Variants in AGAP1 observed in about 807,000 individuals in gnomAD.
The protein encoded by AGAP1 is ArfGAP with GTPase domain, ankyrin repeat and PH domain 1, also known as arf-GAP with GTPase, ANK repeat and PH domain-containing protein 1.
AGAP1 carries 29 observed loss-of-function variants against 105.3 expected under a neutral mutation model. The observed-to-expected ratio is 0.28, with a 90% CI of 0.21 to 0.38. AGAP1 has a LOEUF of 0.38. Among genes scored for constraint, AGAP1 ranks in the 10% least tolerant of loss-of-function variants. The pLI, the probability that AGAP1 is intolerant of heterozygous loss-of-function variation, is 1.00. For missense variants in AGAP1, 998 were observed against 1,165.1 expected, an observed-to-expected ratio of 0.86 and a Z score of 2.09; for synonymous variants, 509 against 485.9, an observed-to-expected ratio of 1.05 and a Z score of -0.63.
At chr2:236,063,290 A>T (rs2058257168) in intron 16 of AGAP1, among the ~76,000 whole-genome samples, 1 of 152,024 alleles carries the variant, frequency 6.6e-6, no homozygotes. Flanking sequence ...GGGTTTCACC[A>T]TGTTGGCCAA....
At position 235,566,311 on chromosome 2, in the gene AGAP1, G is replaced by A. The variant is rs1175045517; in HGVS notation, c.163+71462G>A. ...TCTCCATGTTTGTCAGGCTGGTCTC[G>A]AACTGCCTTGGCCTCCTAAAGTGTT... On this transcript the variant is annotated intron_variant, in intron 1 of 17. Transcript: ENST00000304032. This position sits in a 1 kb window ranked among gnomAD's most constrained non-coding sequence, Gnocchi z 5.2. Among the ~76,000 whole-genome samples the A allele has an allele frequency of 2.6e-5, 4 of 152,076 alleles. No homozygotes were observed. The highest frequency in any genetic ancestry group is 9.7e-5 in the African/African-American group (4 of 41,396).
chr2:235,635,544 T>C lies in AGAP1; in HGVS notation c.164-73635T>C, dbSNP rs1559304117. ...TGATTTGGAAACCATGGGGTAAGTC[T>C]CTGAGGAACAAGAAGACAGAAGAAA... On this transcript the variant is annotated intron_variant, in intron 1 of 17. Coordinates refer to ENST00000304032, the MANE Select transcript of AGAP1 (RefSeq NM_001037131.3). This position sits in a 1 kb window ranked among gnomAD's most constrained non-coding sequence, Gnocchi z 5.3. Among the ~76,000 whole-genome samples the C allele has an allele frequency of 4.6e-5, 7 of 152,208 alleles. No homozygotes were observed. The highest frequency in any genetic ancestry group is 7.2e-5 in the African/African-American group (3 of 41,530).
intron 8 of AGAP1, among the ~76,000 whole-genome samples, chr2:235,804,122 T>C (rs1559507906): frequency 6.6e-6 from 1 of 152,222 alleles, no homozygotes; most frequent in African/African-American, 2.4e-5. Flanking sequence ...GCTCCTTCCA[T>C]GTGCCTCCAG....
At chr2:236,060,277 G>A (rs2058155597) in intron 16 of AGAP1, among the ~76,000 whole-genome samples, 2 of 152,192 alleles carry the variant, frequency 1.3e-5, no homozygotes, top group Non-Finnish European at 2.9e-5. Context: ...TTGAATATTA[G>A]CCAAATTAAA....
At chr2:236,017,375 G>A (rs1294573109) in intron 13 of AGAP1, among the ~76,000 whole-genome samples, 1 of 151,778 alleles carries the variant, frequency 6.6e-6, no homozygotes, top group Non-Finnish European at 1.5e-5. Flanking sequence ...ACAGCCTTTT[G>A]ATGTATGAAG....
rs1385772463 is a variant in AGAP1, at chr2:236,046,044, GCAC to G, written c.1892-3011_1892-3009del. On this transcript the variant is annotated intron_variant, in intron 15 of 17. Transcript: ENST00000304032. The surrounding 1 kb of genome is among the most constrained non-coding windows in gnomAD (Gnocchi z 5.2). ...CTGCTGGGGGGAGGTAGGAGGGGGTGCACCACGGTCTGAACGAGGGGCCAGCAT... is the reference window on the plus strand; with the variant it reads ...CTGCTGGGGGGAGGTAGGAGGGGGTGCACGGTCTGAACGAGGGGCCAGCAT... 8.5e-6 allele frequency: 4 copies of G among 471,082 alleles called. No homozygotes were observed. The highest frequency in any genetic ancestry group is 3.2e-4 in the Middle Eastern group (1 of 3,102). 29.2% of individuals were successfully genotyped at this position (471,082 alleles called of 1,614,324 possible). A position where few individuals can be genotyped will look rare whatever the true frequency, so the allele number is the denominator to read the frequency against.
chr2:235,941,854 G>GC (rs1553685078), intron 12 of AGAP1, among the ~76,000 whole-genome samples: 9 of 139,994 alleles, frequency 6.4e-5, no homozygotes, highest in East Asian at 5.8e-4. Context: ...GTTGTTGGGG[G>GC]GGTAAGAAGG....
chr2:235,929,070 G>A lies in AGAP1; in HGVS notation c.1325-1695G>A, dbSNP rs941528474. On this transcript the variant is annotated intron_variant, in intron 11 of 17. Transcript: ENST00000304032. ...ATCAGGGCTTGGGGGCATGAGAAAC[G>A]GCCTCAAGACCCTACATGTAAGCAG... 5.9e-5 allele frequency among the ~76,000 whole-genome samples: 9 copies of A among 152,314 alleles called. 1 individual carries two copies. The highest frequency in any genetic ancestry group is 1.5e-5 in the Non-Finnish European group (1 of 68,022).
At chr2:235,950,653 C>G (rs1192579802) in intron 12 of AGAP1, among the ~76,000 whole-genome samples, 2 of 151,854 alleles carry the variant, frequency 1.3e-5, no homozygotes, top group Non-Finnish European at 2.9e-5. Flanking sequence ...TGCTTCCTGC[C>G]GCATCCACCC....
rs2059429474 is a variant in AGAP1, at chr2:236,104,241, G to C, written c.2115-15951G>C. ...GCCAGGCCTGTTGGCTGCTGTGAGA[G>C]ATACGCCACCAGGCCAGGCTGACAT... On this transcript the variant is annotated intron_variant, in intron 16 of 17. Coordinates refer to ENST00000304032, the MANE Select transcript of AGAP1 (RefSeq NM_001037131.3). This position sits in a 1 kb window ranked among gnomAD's most constrained non-coding sequence, Gnocchi z 4.7. 6.6e-6 allele frequency among the ~76,000 whole-genome samples: 1 copy of C among 152,232 alleles called. No homozygotes were observed. Among genetic ancestry groups the C allele is most frequent in the African/African-American group, 2.4e-5 (1 of 41,460 alleles).
rs2049491174 is a variant in AGAP1, at chr2:235,872,442, A to G, written c.1051-10903A>G. On this transcript the variant is annotated intron_variant, in intron 9 of 17. Transcript: ENST00000304032. This position sits in a 1 kb window ranked among gnomAD's most constrained non-coding sequence, Gnocchi z 4.5. Reference sequence around the variant, plus strand: ...AAAGTATGCATGGTGACATGCCACCATGCCGCTGGCCCTGGGTTATGCAGA... The same window carrying G: ...AAAGTATGCATGGTGACATGCCACCGTGCCGCTGGCCCTGGGTTATGCAGA... 2.0e-5 allele frequency among the ~76,000 whole-genome samples: 3 copies of G among 152,120 alleles called. No individual in the cohort carries two copies. Among genetic ancestry groups the G allele is most frequent in the African/African-American group, 7.2e-5 (3 of 41,438 alleles).
Position 236,062,491 on chromosome 2 carries a change from T to C in AGAP1, c.2114+13210T>C, listed in dbSNP as rs2058228521. On this transcript the variant is annotated intron_variant, in intron 16 of 17. Transcript: ENST00000304032. This position sits in a 1 kb window ranked among gnomAD's most constrained non-coding sequence, Gnocchi z 4.2. ...TTTCATTTATTTTCATGTATTTTTTTTAGAAACAGAATCTCACTCTATCAC... is the reference window on the plus strand; with the variant it reads ...TTTCATTTATTTTCATGTATTTTTTCTAGAAACAGAATCTCACTCTATCAC... 6.6e-6 allele frequency among the ~76,000 whole-genome samples: 1 copy of C among 151,664 alleles called. No individual in the cohort carries two copies. Among genetic ancestry groups the C allele is most frequent in the Admixed American group, 6.6e-5 (1 of 15,216 alleles).
rs559150510 is a variant in AGAP1, at chr2:235,959,795, G to A, written c.1484-8667G>A. ...AGCACCAGAGCTTCCTCCTGTCAAA[G>A]CTGTGCCACTTTCCCCACTGGCTGC... On this transcript the variant is annotated intron_variant, in intron 12 of 17. Coordinates refer to ENST00000304032, the MANE Select transcript of AGAP1 (RefSeq NM_001037131.3). The surrounding 1 kb of genome is among the most constrained non-coding windows in gnomAD (Gnocchi z 7.3). Among the ~76,000 whole-genome samples the A allele has an allele frequency of 6.6e-6, 1 of 152,282 alleles. No homozygotes were observed. The highest frequency in any genetic ancestry group is 1.9e-4 in the East Asian group (1 of 5,180).
intron 13 of AGAP1, among the ~76,000 whole-genome samples, chr2:235,969,847 T>G (rs115536496): frequency 9.9e-4 from 151 of 152,314 alleles, no homozygotes; most frequent in Non-Finnish European, 1.6e-3. Context: ...CCTTTCTCCT[T>G]CACCACGTTT....
intron 11 of AGAP1, among the ~76,000 whole-genome samples, chr2:235,924,553 G>A (rs1225196255): frequency 3.9e-5 from 6 of 152,172 alleles, no homozygotes; most frequent in Non-Finnish European, 7.3e-5. Flanking sequence ...CCCTACTCGC[G>A]AGTTAGCAGG....
chr2:235,581,760 G>A (rs940554012), intron 1 of AGAP1, among the ~76,000 whole-genome samples: 9 of 152,182 alleles, frequency 5.9e-5, no homozygotes, highest in African/African-American at 1.9e-4. Flanking sequence ...AGCCGAGATC[G>A]TGCTACTGCA....
chr2:235,584,946 A>T (rs1474812740), intron 1 of AGAP1, among the ~76,000 whole-genome samples: 1 of 148,494 alleles, frequency 6.7e-6, no homozygotes, highest in Non-Finnish European at 1.5e-5. Context: ...CAAAACCAAA[A>T]AACTCCTTTT....
At chr2:235,943,766 C>A (rs1011056587) in intron 12 of AGAP1, among the ~76,000 whole-genome samples, 1 of 152,068 alleles carries the variant, frequency 6.6e-6, no homozygotes, top group Non-Finnish European at 1.5e-5. Context: ...ATGGCTAGGT[C>A]GAGAGACAGC....
At chr2:236,006,038 G>A (rs1344892882) in intron 13 of AGAP1, among the ~76,000 whole-genome samples, 1 of 152,070 alleles carries the variant, frequency 6.6e-6, no homozygotes, top group Admixed American at 6.5e-5. Flanking sequence ...CTTTTGCAGG[G>A]GAGATCTGTT....
Sources: gnomAD v4.1 joint callset for allele counts (sites outside exome capture counted in the v4.1 genomes callset) on GRCh38, gnomAD v4.1.1 for gene constraint, Gnocchi (gnomAD v3.1) non-coding constraint, MANE v1.5 for transcripts, NCBI Gene and HGNC (gene_info 2026-07-23, HGNC 2026-07-21) for gene names.